Variants in CSNK1A1 observed in about 807,000 individuals in gnomAD.
CSNK1A1 encodes the protein casein kinase 1 alpha 1.
In CSNK1A1, 7 loss-of-function variants were observed where a neutral mutation model predicts 46.1. That is an observed-to-expected ratio of 0.15 (90% CI 0.09 to 0.29). The LOEUF is 0.29. CSNK1A1 is among the 10% of genes least tolerant of loss of function. The probability of loss-of-function intolerance (pLI) is 1.00; values close to 1 mark genes in which losing one functional copy is unlikely to be tolerated. For synonymous variants in CSNK1A1, 137 were observed against 141.5 expected (o/e 0.97, Z 0.23); for missense variants, 96 against 417.1 (o/e 0.23, Z 6.71).
In CSNK1A1 at chr5:149,550,672, C is replaced by T. The variant is rs1762629586; in HGVS notation, c.123+170G>A. Among the ~76,000 whole-genome samples, 1 of 152,028 alleles carries T rather than the reference C, an allele frequency of 6.6e-6. No individual in the cohort carries two copies. Among genetic ancestry groups the T allele is most frequent in the Non-Finnish European group, 1.5e-5 (1 of 67,998 alleles). ...CAACCTTTCTATCGGGTTCTTGACCCTTTTAGGGAGACAGCGGACGAGGTT... is the reference window on the plus strand; with the variant it reads ...CAACCTTTCTATCGGGTTCTTGACCTTTTTAGGGAGACAGCGGACGAGGTT... On this transcript the variant is annotated intron_variant, in intron 1 of 9. Coordinates refer to ENST00000377843, the MANE Select transcript of CSNK1A1 (RefSeq NM_001892.6). This position sits in a 1 kb window ranked among gnomAD's most constrained non-coding sequence, Gnocchi z 4.3.
At chr5:149,544,781 T>C (rs912189536) in intron 2 of CSNK1A1, among the ~76,000 whole-genome samples, 25 of 102,566 alleles carry the variant, frequency 2.4e-4, no homozygotes, top group African/African-American at 1.2e-3. Context: ...TGACCAATCA[T>C]GTTATTGGTG....
chr5:149,542,630 A>ATGTATG (rs1762302807), intron 2 of CSNK1A1, among the ~76,000 whole-genome samples: 1 of 10,958 alleles, frequency 9.1e-5, no homozygotes, highest in Non-Finnish European at 1.4e-4. Context: ...ATATATATAT[A>ATGTATG]TATATATATG....
At chr5:149,542,657 TATATATATATATATGTATATATATATATA>T (rs1762326487) in intron 2 of CSNK1A1, among the ~76,000 whole-genome samples, 3 of 11,104 alleles carry the variant, frequency 2.7e-4, no homozygotes, top group African/African-American at 4.1e-4. Flanking sequence ...TATATATATA[TATATATATATATATGTATATATATATATA>T]TATATATTTT....
intron 9 of CSNK1A1, chr5:149,497,636 C>T: frequency 1.0e-6 from 1 of 985,396 alleles, no homozygotes; most frequent in Non-Finnish European, 1.2e-6. Flanking sequence ...ATGCCTGTCC[C>T]ACAGCAATAG....
chr5:149,497,844 T>C, intron 9 of CSNK1A1: 1 of 962,158 alleles, frequency 1.0e-6, no homozygotes, highest in Non-Finnish European at 1.2e-6. Flanking sequence ...TTCTTTTTTC[T>C]TTTTTTTTGG....
At chr5:149,538,014 GTTTTTTTTTTTTTT>G (rs890909710) in intron 2 of CSNK1A1, among the ~76,000 whole-genome samples, 2 of 85,728 alleles carry the variant, frequency 2.3e-5, no homozygotes, top group Admixed American at 3.2e-4. Flanking sequence ...AGTGTGCCCA[GTTTTTTTTTTTTTT>G]TTTTTTTTTT....
intron 3 of CSNK1A1, 77 bp downstream of exon 3, chr5:149,524,968 T>C: frequency 1.5e-6 from 2 of 1,330,186 alleles, no homozygotes; most frequent in Non-Finnish European, 2.0e-6. Flanking sequence ...AGGATTTTAA[T>C]ACTCTGATTT....
chr5:149,509,073 C>A, intron 7 of CSNK1A1, among the ~76,000 whole-genome samples: 1 of 151,834 alleles, frequency 6.6e-6, no homozygotes, highest in East Asian at 1.9e-4. Context: ...TACAGGCATG[C>A]GTCACCATGC....
chr5:149,548,749 T>C (rs1425154950), intron 2 of CSNK1A1, among the ~76,000 whole-genome samples: 1 of 152,152 alleles, frequency 6.6e-6, no homozygotes, highest in African/African-American at 2.4e-5. Context: ...CTCAGGAGGC[T>C]GAGGCACGAG....
chr5:149,525,952 G>A lies in CSNK1A1; in HGVS notation c.231-781C>T, dbSNP rs1378639582. On this transcript the variant is annotated intron_variant, in intron 2 of 9. Coordinates refer to ENST00000377843, the MANE Select transcript of CSNK1A1 (RefSeq NM_001892.6). This position sits in a 1 kb window ranked among gnomAD's most constrained non-coding sequence, Gnocchi z 4.2. ...ATATTAAATTCTGCTAAGAAAATCAGGTGATACTTAAAATTTTGTTTAAAA... is the reference window on the plus strand; with the variant it reads ...ATATTAAATTCTGCTAAGAAAATCAAGTGATACTTAAAATTTTGTTTAAAA... Among the ~76,000 whole-genome samples, 1 of 152,030 alleles carries A rather than the reference G, an allele frequency of 6.6e-6. No individual in the cohort carries two copies. The highest frequency in any genetic ancestry group is 1.5e-5 in the Non-Finnish European group (1 of 68,002).
At chr5:149,510,394 C>G (rs1157147703) in intron 6 of CSNK1A1, among the ~76,000 whole-genome samples, 1 of 151,948 alleles carries the variant, frequency 6.6e-6, no homozygotes, top group African/African-American at 2.4e-5. Context: ...TTCAGCCTAT[C>G]AAGTAGCTGG....
intron 2 of CSNK1A1, among the ~76,000 whole-genome samples, chr5:149,548,299 G>A (rs938785275): frequency 1.3e-5 from 2 of 152,198 alleles, no homozygotes; most frequent in African/African-American, 2.4e-5. Context: ...GGGCCCGGTG[G>A]CTCACGCCTA....
chr5:149,541,741 C>T (rs146260605), intron 2 of CSNK1A1, among the ~76,000 whole-genome samples: 2,618 of 151,798 alleles, frequency 0.017, 42 homozygotes, highest in East Asian at 0.09. Context: ...TTTGGGAGGC[C>T]GAGGCAGGTG....
intron 3 of CSNK1A1, 129 bp from the exon 4 acceptor site, chr5:149,520,517 G>C (rs1380419652): frequency 5.5e-6 from 3 of 546,296 alleles, no homozygotes; most frequent in Non-Finnish European, 6.5e-6. Context: ...GAAATGGAAA[G>C]GACAACTAAG....
intron 2 of CSNK1A1, among the ~76,000 whole-genome samples, chr5:149,537,347 G>C (rs1450607247): frequency 2.0e-5 from 3 of 152,206 alleles, no homozygotes; most frequent in African/African-American, 7.2e-5. Context: ...CTGTACTCCA[G>C]CCTGAGCGAC....
chr5:149,517,704 A>T lies in CSNK1A1; in HGVS notation c.456+2586T>A. The T allele has an allele frequency of 1.1e-6, 1 of 871,954 alleles. No homozygotes were observed. Among genetic ancestry groups the T allele is most frequent in the South Asian group, 1.6e-5 (1 of 62,126 alleles). The allele number at this position is 871,954 out of a possible 1,614,324, so 54.0% of individuals were successfully genotyped here. A position where few individuals can be genotyped will look rare whatever the true frequency, so the allele number is the denominator to read the frequency against. On this transcript the variant is annotated intron_variant, in intron 4 of 9. Transcript: ENST00000377843. This position sits in a 1 kb window ranked among gnomAD's most constrained non-coding sequence, Gnocchi z 4.4. ...AGCAAGATCTACATTCTCCAGAATT[A>T]AAACAAAACAAAAATCATCAAAATA...
At chr5:149,504,390 T>C in intron 9 of CSNK1A1, 1 of 979,172 alleles carries the variant, frequency 1.0e-6, no homozygotes, top group Non-Finnish European at 1.2e-6. Context: ...ACTAAAAATG[T>C]GAAGCAAAGA....
chr5:149,497,925 C>T (rs1760705274), intron 9 of CSNK1A1: 3 of 781,604 alleles, frequency 3.8e-6, no homozygotes, highest in Non-Finnish European at 4.7e-6. Context: ...CCTCTGCCTC[C>T]TGGGTTCAAG....
chr5:149,513,292 T>C, intron 4 of CSNK1A1, 83 bp from the exon 5 acceptor site: 1 of 1,273,296 alleles, frequency 7.9e-7, no homozygotes, highest in Non-Finnish European at 1.1e-6. Context: ...GTATCTATTC[T>C]ATGCATTCAA....
Sources: gnomAD v4.1 joint callset for allele counts (sites outside exome capture counted in the v4.1 genomes callset) on GRCh38, gnomAD v4.1.1 for gene constraint, Gnocchi (gnomAD v3.1) non-coding constraint, MANE v1.5 for transcripts, NCBI Gene and HGNC (gene_info 2026-07-23, HGNC 2026-07-21) for gene names.